ZNF793: variants seen among roughly 807,000 people sequenced by gnomAD.
ZNF793 encodes zinc finger protein 793.
In ZNF793, 5 loss-of-function variants were observed where a neutral mutation model predicts 12.4. The observed-to-expected ratio is 0.40, with a 90% CI of 0.21 to 0.84. The LOEUF is 0.84. ZNF793 is among the 40% of genes least tolerant of loss of function. The probability of loss-of-function intolerance (pLI) is 0.35; values close to 1 mark genes in which losing one functional copy is unlikely to be tolerated. For missense variants in ZNF793, 456 were observed against 495.0 expected, an observed-to-expected ratio of 0.92 and a Z score of 0.75; for synonymous variants, 162 against 172.4, an observed-to-expected ratio of 0.94 and a Z score of 0.47.
intron 1 of ZNF793, among the ~76,000 whole-genome samples, chr19:37,507,492 G>A (rs2042259468): frequency 6.6e-6 from 1 of 152,164 alleles, no homozygotes; most frequent in Non-Finnish European, 1.5e-5. Context: ...TCAAATGAGG[G>A]AGGTCAGTGG....
At chr19:37,517,035 G>A (rs932616039) in intron 2 of ZNF793, among the ~76,000 whole-genome samples, 1 of 152,146 alleles carries the variant, frequency 6.6e-6, no homozygotes, top group Non-Finnish European at 1.5e-5. Context: ...GGGAGGAATT[G>A]GGGCTGAGGG....
rs1477428891 is a variant in ZNF793 at position 37,538,740 on chromosome 19, A to T, written c.*861A>T. The T allele has an allele frequency of 6.6e-6, 1 of 152,260 alleles. No homozygotes were observed. Among genetic ancestry groups the T allele is most frequent in the African/African-American group, 2.4e-5 (1 of 41,466 alleles). The allele number at this position is 152,260 out of a possible 1,614,324, so 9.4% of individuals were successfully genotyped here. The stretch of plus-strand genomic sequence containing the variant: ...AATGTATTAAATGGAATAACAGCAG[A>T]ATACAAAATATCTGTGAAGAGACTT... On this transcript the variant is annotated 3_prime_UTR_variant, in exon 8 of 8. Transcript: ENST00000627814.
At chr19:37,510,425 G>T (rs1225492974) in intron 2 of ZNF793, among the ~76,000 whole-genome samples, 6 of 148,852 alleles carry the variant, frequency 4.0e-5, no homozygotes, top group Non-Finnish European at 1.5e-5. Flanking sequence ...TGAGGCAGGA[G>T]AATTAGTTAA....
At chr19:37,508,164 G>A (rs1234549873) in intron 1 of ZNF793, 101 bp from the exon 2 acceptor site, 1 of 152,152 alleles carries the variant, frequency 6.6e-6, no homozygotes, top group Non-Finnish European at 1.5e-5. Context: ...AATTTGAAAG[G>A]ATCGCGTGCT....
intron 1 of ZNF793, among the ~76,000 whole-genome samples, chr19:37,507,570 G>T (rs1460273148): frequency 1.3e-5 from 2 of 152,190 alleles, no homozygotes; most frequent in African/African-American, 4.8e-5. Context: ...ATCGGTGGAG[G>T]ATCGGAGAGT....
In ZNF793 at chr19:37,537,993, G is replaced by A. The variant is rs2042522622; in HGVS notation, c.*114G>A. 1 of 1,282,038 alleles carries A rather than the reference G, an allele frequency of 7.8e-7. No homozygotes were observed. The allele number at this position is 1,282,038 out of a possible 1,614,324, so 79.4% of individuals were successfully genotyped here. ...GTGGCGCGATCTCGGCTTACTGCAA[G>A]CTCTGCCTCCCGGGTTCACGCCATT... On this transcript the variant is annotated 3_prime_UTR_variant, in exon 8 of 8. Transcript: ENST00000627814.
intron 2 of ZNF793, among the ~76,000 whole-genome samples, chr19:37,512,931 T>G (rs963977963): frequency 6.6e-6 from 1 of 150,566 alleles, no homozygotes; most frequent in Non-Finnish European, 1.5e-5. Context: ...TTCTCGGTCA[T>G]TTTTTTTTAC....
chr19:37,537,237 T>C lies in ZNF793; in HGVS notation c.579T>C (p.Cys193=). The C allele has an allele frequency of 6.2e-7, 1 of 1,613,880 alleles. No homozygotes were observed. The highest frequency in any genetic ancestry group is 8.5e-7 in the Non-Finnish European group (1 of 1,179,886). Residue 193 remains cysteine, a synonymous_variant, in exon 8 of 8, where the codon TGT becomes TGC. Transcript: ENST00000627814. ...NGEKPRGCSH[C]EKAFTQNPAL... ...AAAAGCCCCGGGGTTGCAGTCACTG[T>C]GAGAAAGCTTTCACCCAGAACCCGG...
intron 5 of ZNF793, among the ~76,000 whole-genome samples, chr19:37,527,893 C>T (rs564717574): frequency 1.3e-5 from 2 of 151,550 alleles, no homozygotes; most frequent in African/African-American, 2.4e-5. Context: ...CCAAGGCAGG[C>T]GGATCGCTTG....
At chr19:37,519,257 C>T (rs2042357395) in intron 2 of ZNF793, among the ~76,000 whole-genome samples, 1 of 152,122 alleles carries the variant, frequency 6.6e-6, no homozygotes, top group Non-Finnish European at 1.5e-5. Context: ...CAGAGCAAGA[C>T]TCCGACTCAA....
Position 37,538,496 on chromosome 19 carries a change from G to T in ZNF793, c.*617G>T, listed in dbSNP as rs1420032224. On this transcript the variant is annotated 3_prime_UTR_variant, in exon 8 of 8. Transcript: ENST00000627814. Reference sequence around the variant, plus strand: ...GGGTTTCACCATGTTGGTCAGGCTGGTCTCTTTGGCTAGGCTGGTCTCGAA... The same window carrying T: ...GGGTTTCACCATGTTGGTCAGGCTGTTCTCTTTGGCTAGGCTGGTCTCGAA... 1 of 152,172 alleles carries T rather than the reference G, an allele frequency of 6.6e-6. No individual in the cohort carries two copies. Among genetic ancestry groups the T allele is most frequent in the Admixed American group, 6.6e-5 (1 of 15,262 alleles). 9.4% of individuals were successfully genotyped at this position (152,172 alleles called of 1,614,324 possible).
At chr19:37,526,351 G>A (rs1215281356) in intron 5 of ZNF793, among the ~76,000 whole-genome samples, 1 of 152,106 alleles carries the variant, frequency 6.6e-6, no homozygotes, top group East Asian at 1.9e-4. Context: ...GGGCTCAAGT[G>A]GTCCTCCTGC....
In ZNF793 at chr19:37,538,291, T is replaced by A. The variant is rs2042527280; in HGVS notation, c.*412T>A. On this transcript the variant is annotated 3_prime_UTR_variant, in exon 8 of 8. Coordinates refer to ENST00000627814, the MANE Select transcript of ZNF793 (RefSeq NM_001013659.3). ...GAACAGTGTGTTTTTATTTTATTTA[T>A]TTATTTATTTTGAGTTGTATTCTCT... is the stretch of plus-strand genomic sequence containing the variant. 1 of 155,374 alleles carries A rather than the reference T, an allele frequency of 6.4e-6. No individual in the cohort carries two copies. The highest frequency in any genetic ancestry group is 1.4e-5 in the Non-Finnish European group (1 of 70,196). 9.6% of individuals were successfully genotyped at this position (155,374 alleles called of 1,614,324 possible).
intron 5 of ZNF793, among the ~76,000 whole-genome samples, chr19:37,528,357 A>G (rs1388947516): frequency 6.6e-6 from 1 of 151,932 alleles, no homozygotes; most frequent in African/African-American, 2.4e-5. Context: ...TCATGTAGAA[A>G]GGCTTGACTG....
intron 5 of ZNF793, among the ~76,000 whole-genome samples, chr19:37,529,887 C>T (rs1024251012): frequency 2.0e-5 from 3 of 151,968 alleles, no homozygotes; most frequent in African/African-American, 7.3e-5. Context: ...GAAAAATACA[C>T]AAAGTATAGA....
At chr19:37,517,725 T>A (rs2147069835) in intron 2 of ZNF793, among the ~76,000 whole-genome samples, 1 of 152,224 alleles carries the variant, frequency 6.6e-6, no homozygotes, top group South Asian at 2.1e-4. Flanking sequence ...GCACAGTGCC[T>A]AAGTTGAGAT....
At chr19:37,530,792 T>TA (rs1413513490) in intron 5 of ZNF793, among the ~76,000 whole-genome samples, 4 of 152,202 alleles carry the variant, frequency 2.6e-5, no homozygotes, top group African/African-American at 9.6e-5. Context: ...ACATTACATA[T>TA]AATCTTTATT....
Position 37,537,478 on chromosome 19 carries a change from C to G in ZNF793, c.820C>G (p.Gln274Glu). 1 of 1,613,958 alleles carries G rather than the reference C, an allele frequency of 6.2e-7. No homozygotes were observed. Among genetic ancestry groups the G allele is most frequent in the Non-Finnish European group, 8.5e-7 (1 of 1,179,898 alleles). Residue 274 changes from glutamine to glutamate, a missense_variant, in exon 8 of 8, where the codon CAG (glutamine) becomes GAG (glutamate). Physicochemically the swap from Gln to Glu is conservative, Grantham distance 29. Coordinates refer to ENST00000627814, the MANE Select transcript of ZNF793 (RefSeq NM_001013659.3). The stretch of plus-strand genomic sequence containing the variant: ...ACATAAGTCAACCCTCATCAAACAC[C>G]AGAGAATTCACACTGGGGTAAGACC... ...FSHKSTLIKH[Q>E]RIHTGVRPFE...
chr19:37,536,970 C>T lies in ZNF793; in HGVS notation c.312C>T (p.Ser104=), dbSNP rs117888549. Residue 104 remains serine (S), a synonymous_variant, in exon 8 of 8, where the codon AGC becomes AGT. Coordinates refer to ENST00000627814, the MANE Select transcript of ZNF793 (RefSeq NM_001013659.3). The stretch of plus-strand genomic sequence containing the variant: ...TTTTGAGGCCAGGCGCAGCCATAAG[C>T]AAGAAAACATTGCCCAAGGAGAAAA... ...DMLLRPGAAI[S]KKTLPKEKSC... is the part of the protein sequence containing the mutation. The T allele has an allele frequency of 3.2e-5, 52 of 1,613,896 alleles. No individual in the cohort carries two copies. The East Asian group carries it at 1.1e-3, about 35-fold the overall frequency.
Sources: allele counts gnomAD v4.1 joint callset (sites outside exome capture counted in the v4.1 genomes callset), GRCh38; gene constraint gnomAD v4.1.1; transcripts MANE v1.5; gene names NCBI Gene and HGNC (gene_info 2026-07-23, HGNC 2026-07-21).